Variants in NR2C1 observed in about 807,000 individuals in gnomAD.
The protein encoded by NR2C1 is TR2 nuclear hormone receptor.
NR2C1 carries 33 observed loss-of-function variants against 74.8 expected under a neutral mutation model. The ratio of observed to expected loss-of-function variants is 0.44; its 90% CI spans 0.33 to 0.59. The LOEUF (loss-of-function observed/expected upper bound fraction) is 0.59, where lower values mean the gene tolerates loss of function less well. Among genes scored for constraint, NR2C1 ranks in the 20% least tolerant of loss-of-function variants. The probability of loss-of-function intolerance (pLI) is 0.02; values close to 1 mark genes in which losing one functional copy is unlikely to be tolerated. For missense variants in NR2C1, 568 were observed against 715.6 expected (o/e 0.79, Z 2.35); for synonymous variants, 225 against 240.6 (o/e 0.94, Z 0.60).
chr12:95,064,904 T>C (rs897862106), intron 2 of NR2C1, among the ~76,000 whole-genome samples: 46 of 152,228 alleles, frequency 3.0e-4, no homozygotes, highest in African/African-American at 1.1e-3. Flanking sequence ...AAAGTTCTGA[T>C]TCACTAATCA....
chr12:95,048,147 A>G (rs1872538067), intron 9 of NR2C1, among the ~76,000 whole-genome samples: 1 of 152,230 alleles, frequency 6.6e-6, no homozygotes, highest in South Asian at 2.1e-4. Flanking sequence ...GCTGGTCTCC[A>G]ACTCCTGGAC....
In NR2C1 at chr12:95,057,656, A is replaced by G. The variant is rs1671161528; in HGVS notation, c.693-13T>C. 1 of 1,613,104 alleles carries G rather than the reference A, an allele frequency of 6.2e-7. No homozygotes were observed. The highest frequency in any genetic ancestry group is 8.5e-7 in the Non-Finnish European group (1 of 1,179,668). On this transcript the variant is annotated splice_polypyrimidine_tract_variant and intron_variant, in intron 6 of 13. Transcript: ENST00000333003. ...CAGTCCTGTTGACCTGTAACAAATC[A>G]GCACAAATTTTGGCCTGAGTTTCAT...
At chr12:95,065,650 T>C (rs904613526) in intron 2 of NR2C1, among the ~76,000 whole-genome samples, 3 of 152,090 alleles carry the variant, frequency 2.0e-5, no homozygotes, top group African/African-American at 7.2e-5. Flanking sequence ...TATTTTAAAA[T>C]GCATAATTAA....
chr12:95,067,417 T>C (rs1219692602), intron 1 of NR2C1, 26 bp from the exon 2 acceptor site: 12 of 1,505,710 alleles, frequency 8.0e-6, no homozygotes, highest in Middle Eastern at 1.7e-4. Flanking sequence ...AGATGTTTTA[T>C]AATTAAACTC....
rs201698034 is a variant in NR2C1 at position 95,057,824 on chromosome 12, C to G, written c.599G>C (p.Cys200Ser). Residue 200 changes from cysteine (C) to serine (S), a missense_variant, in exon 6 of 14, where the codon TGT (cysteine) becomes TCT (serine). By Grantham distance (112) the Cys-to-Ser change is moderately radical (BLOSUM62 -1). This residue lies in a region of NR2C1 where 239 missense variants were observed against 232.3 expected (regional missense o/e 1.03). Coordinates refer to ENST00000333003, the MANE Select transcript of NR2C1 (RefSeq NM_003297.4). ...ATAGATTTTTTCTGTTGAAGCGGCA[C>G]AGTTGGAAGATTTTTCTCGTGATAC... ...IEVSREKSSN[C>S]AASTEKIYIR... 3 of 1,614,004 alleles carry G rather than the reference C, an allele frequency of 1.9e-6. No homozygotes were observed. In the African/African-American group the frequency reaches 4.0e-5, roughly 22 times the overall value.
chr12:95,070,621 C>A (rs930960296), intron 1 of NR2C1, among the ~76,000 whole-genome samples: 1 of 152,122 alleles, frequency 6.6e-6, no homozygotes, highest in Admixed American at 6.6e-5. Flanking sequence ...ATTCACAGAA[C>A]GACTTATCCT....
At chr12:95,072,026 G>A (rs1013091372) in intron 1 of NR2C1, among the ~76,000 whole-genome samples, 4 of 151,646 alleles carry the variant, frequency 2.6e-5, no homozygotes, top group African/African-American at 9.7e-5. Flanking sequence ...GGGATTACAG[G>A]TGTGAGCCAC....
At chr12:95,051,349 C>G (rs900975749) in intron 8 of NR2C1, among the ~76,000 whole-genome samples, 2 of 152,104 alleles carry the variant, frequency 1.3e-5, no homozygotes, top group African/African-American at 4.8e-5. Context: ...TTTCTGTATA[C>G]GCCCAGACTC....
chr12:95,062,423 G>T, intron 3 of NR2C1, 85 bp downstream of exon 3: 1 of 858,098 alleles, frequency 1.2e-6, no homozygotes, highest in Non-Finnish European at 1.8e-6. Flanking sequence ...AATATACATA[G>T]ATCTAAAGTC....
intron 10 of NR2C1, among the ~76,000 whole-genome samples, chr12:95,034,549 G>A (rs911450246): frequency 6.6e-6 from 1 of 152,132 alleles, no homozygotes. Flanking sequence ...GTTGAAATGT[G>A]CACTTTCTTA....
chr12:95,026,614 C>CT, intron 12 of NR2C1, among the ~76,000 whole-genome samples: 1 of 152,076 alleles, frequency 6.6e-6, no homozygotes, highest in East Asian at 1.9e-4. Flanking sequence ...ATAAAGGTGA[C>CT]AAATTGTGCT....
chr12:95,036,272 T>TA (rs368229386), intron 10 of NR2C1, among the ~76,000 whole-genome samples: 52,176 of 127,154 alleles, frequency 0.41, 11,385 homozygotes, highest in South Asian at 0.47. Flanking sequence ...ATGTTGAGAT[T>TA]AAAAAAAAAA....
intron 1 of NR2C1, among the ~76,000 whole-genome samples, 177 bp downstream of exon 1, chr12:95,073,203 C>T (rs905734992): frequency 6.6e-6 from 1 of 152,230 alleles, no homozygotes; most frequent in Admixed American, 6.5e-5. Flanking sequence ...CAGCTCCGCG[C>T]TCCCAGCCGA....
At chr12:95,053,622 G>A (rs994638825) in intron 7 of NR2C1, among the ~76,000 whole-genome samples, 11 of 151,026 alleles carry the variant, frequency 7.3e-5, no homozygotes, top group African/African-American at 2.7e-4. Flanking sequence ...GGCCTACTGG[G>A]CCAACCCCTT....
chr12:95,051,436 G>A (rs917431651), intron 8 of NR2C1, among the ~76,000 whole-genome samples: 24 of 152,240 alleles, frequency 1.6e-4, no homozygotes, highest in African/African-American at 5.5e-4. Context: ...AAGTTCCCCC[G>A]ATTCCCCATG....
chr12:95,035,398 G>A (rs1408071514), intron 10 of NR2C1, among the ~76,000 whole-genome samples: 1 of 152,122 alleles, frequency 6.6e-6, no homozygotes. Context: ...CTCTGATTCT[G>A]AAGTTTTAAG....
intron 10 of NR2C1, among the ~76,000 whole-genome samples, chr12:95,036,910 T>C (rs1482368166): frequency 6.6e-6 from 1 of 152,222 alleles, no homozygotes; most frequent in African/African-American, 2.4e-5. Context: ...GCCCCTCATA[T>C]CTGGTAATAC....
At chr12:95,034,184 A>G (rs1236920148) in intron 10 of NR2C1, among the ~76,000 whole-genome samples, 20 of 152,162 alleles carry the variant, frequency 1.3e-4, no homozygotes. Flanking sequence ...AGTCACAGCA[A>G]GTTTTTTTTT....
chr12:95,057,602 T>C lies in NR2C1; in HGVS notation c.734A>G (p.His245Arg). ...LLDSGMFMNI[H>R]PSGVKTESAV... ...TGACTCAGTTTTTACTCCAGATGGA[T>C]GAATATTCATGAACATTCCTGAATC... Residue 245 changes from histidine (H) to arginine (R), a missense_variant, in exon 7 of 14, where the codon CAT (histidine) becomes CGT (arginine). By Grantham distance (29) the His-to-Arg change is conservative (BLOSUM62 0). Coordinates refer to ENST00000333003, the MANE Select transcript of NR2C1 (RefSeq NM_003297.4). 1 of 1,614,102 alleles carries C rather than the reference T, an allele frequency of 6.2e-7. No individual in the cohort carries two copies. Among genetic ancestry groups the C allele is most frequent in the Non-Finnish European group, 8.5e-7 (1 of 1,179,970 alleles).
Sources: gnomAD v4.1 joint callset for allele counts (sites outside exome capture counted in the v4.1 genomes callset) on GRCh38, gnomAD v4.1.1 for gene constraint, gnomAD v4.1.1 regional missense constraint, MANE v1.5 for transcripts, NCBI Gene and HGNC (gene_info 2026-07-23, HGNC 2026-07-21) for gene names.